NBEA: variants seen among roughly 807,000 people sequenced by gnomAD.
NBEA encodes neurobeachin, also known as lysosomal-trafficking regulator 2.
In NBEA, 44 loss-of-function variants were observed where a neutral mutation model predicts 343.4. That is an observed-to-expected ratio of 0.13 (90% CI 0.10 to 0.16). The LOEUF is 0.16. NBEA is among the 10% of genes least tolerant of loss of function. The pLI is 1.00. For missense variants in NBEA, 2,555 were observed against 3,631.3 expected, an observed-to-expected ratio of 0.70 and a Z score of 7.62; for synonymous variants, 1,175 against 1,238.7, an observed-to-expected ratio of 0.95 and a Z score of 1.08.
rs2069131686 is a variant in NBEA, at chr13:35,155,766, T to C, written c.2446-8T>C. On this transcript the variant is annotated splice_region_variant and splice_polypyrimidine_tract_variant and intron_variant, in intron 18 of 58. Transcript: ENST00000379939. ...TTCTAAATGAAGTTCAAATTCTTCA[T>C]TTTTCAGATCTTGACAGAACAAGTA... is the stretch of plus-strand genomic sequence containing the variant. 6.3e-7 allele frequency: 1 copy of C among 1,592,606 alleles called. No individual in the cohort carries two copies. Among genetic ancestry groups the C allele is most frequent in the African/African-American group, 1.3e-5 (1 of 74,350 alleles).
chr13:35,399,227 A>T (rs558251330), intron 38 of NBEA, among the ~76,000 whole-genome samples: 1 of 152,282 alleles, frequency 6.6e-6, no homozygotes, highest in South Asian at 2.1e-4. Flanking sequence ...AGGCCACTCA[A>T]ACTTTTTCCA....
At chr13:35,075,459 TTAAG>T (rs2064071230) in intron 10 of NBEA, among the ~76,000 whole-genome samples, 1 of 152,222 alleles carries the variant, frequency 6.6e-6, no homozygotes, top group East Asian at 1.9e-4. Context: ...ATAAATTATC[TTAAG>T]TATATGAATA....
chr13:35,507,787 G>A (rs191079765), intron 41 of NBEA, among the ~76,000 whole-genome samples: 20 of 152,124 alleles, frequency 1.3e-4, no homozygotes, highest in East Asian at 5.8e-4. Context: ...AATGCACCCC[G>A]TACAATGAAA....
At chr13:35,272,343 C>A (rs1027275202) in intron 34 of NBEA, among the ~76,000 whole-genome samples, 4 of 152,168 alleles carry the variant, frequency 2.6e-5, no homozygotes, top group African/African-American at 9.7e-5. Context: ...CCTACAAGAG[C>A]TCCTGAAAGA....
intron 49 of NBEA, among the ~76,000 whole-genome samples, chr13:35,631,656 AAAAAAT>A (rs1301962061): frequency 7.2e-6 from 1 of 138,344 alleles, no homozygotes; most frequent in Non-Finnish European, 1.6e-5. Context: ...AAAAAAAAAA[AAAAAAT>A]TCTACTACTT....
intron 41 of NBEA, among the ~76,000 whole-genome samples, chr13:35,528,551 G>A (rs886672500): frequency 1.3e-5 from 2 of 152,142 alleles, no homozygotes; most frequent in Admixed American, 1.3e-4. Flanking sequence ...AATTGTCTTA[G>A]TTTGCAAAAG....
In NBEA at chr13:35,045,541, A is replaced by G. The variant is rs559183597; in HGVS notation, c.723+140A>G. The G allele has an allele frequency of 1.3e-4, 81 of 629,144 alleles. 1 individual carries two copies. In the African/African-American group the frequency reaches 1.4e-3, roughly 10 times the overall value. 39.0% of individuals were successfully genotyped at this position (629,144 alleles called of 1,614,324 possible). A position where few individuals can be genotyped will look rare whatever the true frequency, so the allele number is the denominator to read the frequency against. ...TTGGAAGTCATACAACCACTACTAT[A>G]TAATGATTTGAACAATTTCATCACT... On this transcript the variant is annotated intron_variant, in intron 4 of 58. Coordinates refer to ENST00000379939, the MANE Select transcript of NBEA (RefSeq NM_001385012.1).
intron 41 of NBEA, among the ~76,000 whole-genome samples, chr13:35,549,485 G>A (rs371426524): frequency 4.6e-4 from 70 of 152,284 alleles, no homozygotes; most frequent in African/African-American, 1.6e-3. Context: ...GCTTGTTGTA[G>A]ATTTGAGGAC....
intron 40 of NBEA, among the ~76,000 whole-genome samples, chr13:35,459,461 A>G (rs2152951421): frequency 6.6e-6 from 1 of 152,126 alleles, no homozygotes; most frequent in South Asian, 2.1e-4. Flanking sequence ...TCTACTAAAT[A>G]TATAGAACAT....
chr13:35,422,768 T>C (rs1036891064), intron 38 of NBEA, among the ~76,000 whole-genome samples: 1 of 152,208 alleles, frequency 6.6e-6, no homozygotes, highest in Non-Finnish European at 1.5e-5. Context: ...CCCACCAACG[T>C]GTAAAAGTGT....
chr13:35,171,579 T>G, intron 26 of NBEA, 127 bp downstream of exon 26: 2 of 766,502 alleles, frequency 2.6e-6, no homozygotes, highest in Non-Finnish European at 3.7e-6. Context: ...TATCTTGAGA[T>G]ACAGAGATTA....
intron 10 of NBEA, among the ~76,000 whole-genome samples, chr13:35,076,594 T>TA (rs531283568): frequency 1.7e-3 from 262 of 152,184 alleles, no homozygotes; most frequent in African/African-American, 6.2e-3. Flanking sequence ...TTTGTCTTGT[T>TA]ACAAGGTTTA....
chr13:35,505,855 A>G (rs2077053788), intron 41 of NBEA, among the ~76,000 whole-genome samples: 1 of 152,182 alleles, frequency 6.6e-6, no homozygotes, highest in African/African-American at 2.4e-5. Context: ...AAAGCATTCT[A>G]CTTTAGTCTG....
chr13:34,982,967 T>C (rs2060408966), intron 1 of NBEA, among the ~76,000 whole-genome samples: 1 of 152,184 alleles, frequency 6.6e-6, no homozygotes, highest in South Asian at 2.1e-4. Context: ...TTCTTAGCAA[T>C]TGTGTGCACA....
At chr13:35,422,899 T>G (rs1268201879) in intron 38 of NBEA, among the ~76,000 whole-genome samples, 1 of 152,226 alleles carries the variant, frequency 6.6e-6, no homozygotes, top group Non-Finnish European at 1.5e-5. Flanking sequence ...TGATGGCCAG[T>G]GATGATGAGC....
intron 41 of NBEA, among the ~76,000 whole-genome samples, chr13:35,541,830 A>T (rs1474661241): frequency 6.6e-6 from 1 of 151,812 alleles, no homozygotes; most frequent in Non-Finnish European, 1.5e-5. Context: ...GACATTTGTT[A>T]AGCATTTCCT....
At chr13:35,579,147 A>G (rs997545784) in intron 45 of NBEA, among the ~76,000 whole-genome samples, 2 of 152,158 alleles carry the variant, frequency 1.3e-5, no homozygotes, top group Non-Finnish European at 2.9e-5. Flanking sequence ...TTTATGATAT[A>G]TTAGAATTCA....
intron 54 of NBEA, 78 bp from the exon 55 acceptor site, chr13:35,655,501 A>G: frequency 2.1e-6 from 3 of 1,396,892 alleles, no homozygotes; most frequent in Non-Finnish European, 2.9e-6. Flanking sequence ...AATTTTTTAA[A>G]AAATCTGATA....
At chr13:35,399,568 G>A (rs151108027) in intron 38 of NBEA, among the ~76,000 whole-genome samples, 6 of 152,120 alleles carry the variant, frequency 3.9e-5, no homozygotes, top group South Asian at 2.1e-4. Flanking sequence ...CGGCACATGG[G>A]GATTACAATT....
Sources: gnomAD v4.1 joint callset for allele counts (sites outside exome capture counted in the v4.1 genomes callset) on GRCh38, gnomAD v4.1.1 for gene constraint, MANE v1.5 for transcripts, NCBI Gene and HGNC (gene_info 2026-07-23, HGNC 2026-07-21) for gene names.